SNTG1: variants seen among roughly 807,000 people sequenced by gnomAD.
The protein encoded by SNTG1 is syntrophin gamma 1.
SNTG1 carries 39 observed loss-of-function variants against 74.7 expected under a neutral mutation model. The observed-to-expected ratio is 0.52, with a 90% confidence interval of 0.40 to 0.68. The LOEUF is 0.68. Ranked by LOEUF, SNTG1 falls within the 30% of genes least tolerant of loss-of-function variation. The pLI, the probability that SNTG1 is intolerant of heterozygous loss-of-function variation, is 0.00. For synonymous variants in SNTG1, 254 were observed against 217.1 expected (o/e 1.17, Z -1.49); for missense variants, 685 against 609.5 (o/e 1.12, Z -1.30).
At chr8:50,562,010 CA>C (rs34032480) in intron 12 of SNTG1, among the ~76,000 whole-genome samples, 1 of 152,072 alleles carries the variant, frequency 6.6e-6, no homozygotes, top group South Asian at 2.1e-4. Context: ...TGTCCTTACC[CA>C]AAAAAGATAA....
At chr8:50,529,909 T>C (rs918790779) in intron 9 of SNTG1, among the ~76,000 whole-genome samples, 1 of 152,126 alleles carries the variant, frequency 6.6e-6, no homozygotes, top group African/African-American at 2.4e-5. Flanking sequence ...AAATAATACT[T>C]TTTATAAGGC....
chr8:50,205,625 G>A (rs541560175), intron 2 of SNTG1, among the ~76,000 whole-genome samples: 92 of 152,268 alleles, frequency 6.0e-4, no homozygotes, highest in Non-Finnish European at 1.2e-3. Context: ...TGGTGTTTTA[G>A]TCATGAAGTC....
At chr8:50,094,041 A>C (rs560386970) in intron 1 of SNTG1, among the ~76,000 whole-genome samples, 49 of 152,246 alleles carry the variant, frequency 3.2e-4, no homozygotes, top group African/African-American at 1.2e-3. Context: ...ATGCAGTTGG[A>C]GTATGAGGCA....
chr8:50,446,895 G>A (rs1036297481), intron 5 of SNTG1, among the ~76,000 whole-genome samples: 1 of 152,042 alleles, frequency 6.6e-6, no homozygotes, highest in African/African-American at 2.4e-5. Context: ...ATCTTACACT[G>A]CATATAACAT....
intron 1 of SNTG1, among the ~76,000 whole-genome samples, chr8:50,044,490 G>A (rs1422936557): frequency 1.3e-5 from 2 of 152,090 alleles, no homozygotes; most frequent in Non-Finnish European, 1.5e-5. Flanking sequence ...CTTAAAAATG[G>A]CTTTTCATTT....
chr8:50,677,232 T>C (rs543627005), intron 15 of SNTG1, among the ~76,000 whole-genome samples: 1 of 152,150 alleles, frequency 6.6e-6, no homozygotes, highest in Non-Finnish European at 1.5e-5. Flanking sequence ...TTTACTGTAG[T>C]AATTTTAATA....
intron 1 of SNTG1, among the ~76,000 whole-genome samples, chr8:49,915,372 C>A (rs1257850831): frequency 6.6e-6 from 1 of 152,104 alleles, no homozygotes; most frequent in African/African-American, 2.4e-5. Flanking sequence ...AAAAAAATCC[C>A]ACTAATTACT....
chr8:50,782,267 G>A (rs1358223623), intron 18 of SNTG1, among the ~76,000 whole-genome samples: 6 of 152,222 alleles, frequency 3.9e-5, no homozygotes, highest in Admixed American at 1.3e-4. Flanking sequence ...GCTAGATTGG[G>A]GAAGTTCTCC....
chr8:50,627,078 T>G (rs981631449), intron 13 of SNTG1, among the ~76,000 whole-genome samples: 1 of 152,156 alleles, frequency 6.6e-6, no homozygotes, highest in Admixed American at 6.5e-5. Context: ...TTAGCATCAT[T>G]TAATCCTTTT....
chr8:50,433,214 T>C (rs2093260408), intron 4 of SNTG1, among the ~76,000 whole-genome samples: 2 of 152,252 alleles, frequency 1.3e-5, no homozygotes, highest in African/African-American at 4.8e-5. Context: ...CCATATTCTA[T>C]GAACTTGCTA....
chr8:50,705,959 TGTG>T (rs2095442092), intron 16 of SNTG1, among the ~76,000 whole-genome samples: 1 of 152,172 alleles, frequency 6.6e-6, no homozygotes, highest in African/African-American at 2.4e-5. Flanking sequence ...TGAAAACAAA[TGTG>T]GTGAATAATC....
At chr8:50,728,751 G>A (rs182968935) in intron 17 of SNTG1, among the ~76,000 whole-genome samples, 3 of 152,240 alleles carry the variant, frequency 2.0e-5, no homozygotes, top group Admixed American at 6.5e-5. Context: ...AGTATTAGGA[G>A]TGCTCATTGT....
intron 2 of SNTG1, among the ~76,000 whole-genome samples, chr8:50,368,564 G>A (rs891239718): frequency 3.3e-5 from 5 of 152,126 alleles, no homozygotes; most frequent in African/African-American, 9.7e-5. Context: ...ATCAGCAGAA[G>A]CCAGGAACAG....
chr8:50,564,594 C>G (rs1225939092), intron 12 of SNTG1, among the ~76,000 whole-genome samples: 1 of 152,206 alleles, frequency 6.6e-6, no homozygotes, highest in Non-Finnish European at 1.5e-5. Context: ...ACATGAAAAT[C>G]TAGCTTCTCA....
intron 2 of SNTG1, among the ~76,000 whole-genome samples, chr8:50,360,825 C>T (rs1563941028): frequency 6.6e-6 from 1 of 151,980 alleles, no homozygotes; most frequent in Non-Finnish European, 1.5e-5. Flanking sequence ...ACTATAATTT[C>T]AGTATAGAAG....
chr8:50,528,579 CT>C (rs1303119749), intron 9 of SNTG1, among the ~76,000 whole-genome samples: 1 of 151,324 alleles, frequency 6.6e-6, no homozygotes, highest in Non-Finnish European at 1.5e-5. Context: ...TTACATTTTT[CT>C]TTTTTGCATA....
At chr8:50,246,212 T>A (rs1236603221) in intron 2 of SNTG1, among the ~76,000 whole-genome samples, 1 of 151,772 alleles carries the variant, frequency 6.6e-6, no homozygotes, top group Non-Finnish European at 1.5e-5. Flanking sequence ...TTAATCTGCT[T>A]ATTCTTTGGT....
At chr8:50,659,409 C>T (rs1487951564) in intron 15 of SNTG1, among the ~76,000 whole-genome samples, 1 of 152,106 alleles carries the variant, frequency 6.6e-6, no homozygotes, top group Non-Finnish European at 1.5e-5. Context: ...TTTCTGTATC[C>T]AAGGGGAGCT....
chr8:50,304,331 C>T (rs1381270003), intron 2 of SNTG1, among the ~76,000 whole-genome samples: 3 of 152,180 alleles, frequency 2.0e-5, no homozygotes, highest in Non-Finnish European at 2.9e-5. Flanking sequence ...GCCAAACAAA[C>T]TTCTTTTCTT....
Sources: gnomAD v4.1 joint callset for allele counts (sites outside exome capture counted in the v4.1 genomes callset) on GRCh38, gnomAD v4.1.1 for gene constraint, MANE v1.5 for transcripts, NCBI Gene and HGNC (gene_info 2026-07-23, HGNC 2026-07-21) for gene names.